The following ANKRD12 variants were observed in gnomAD, a reference collection of about 807,000 sequenced individuals.
ANKRD12 encodes ankyrin repeat domain 12, also known as ankyrin repeat domain-containing protein 12.
Under a neutral mutation model 183.4 loss-of-function variants are expected in ANKRD12, and 85 were observed. That is an observed-to-expected ratio of 0.46 (90% CI 0.39 to 0.56). ANKRD12 has a LOEUF of 0.56. Ranked by LOEUF, ANKRD12 falls within the 20% of genes least tolerant of loss-of-function variation. The probability of loss-of-function intolerance (pLI) is 0.00; values close to 1 mark genes in which losing one functional copy is unlikely to be tolerated. For missense variants in ANKRD12, 2,405 were observed against 2,357.1 expected, an observed-to-expected ratio of 1.02 and a Z score of -0.42; for synonymous variants, 914 against 800.2, an observed-to-expected ratio of 1.14 and a Z score of -2.40.
At position 9,256,071 on chromosome 18, in the gene ANKRD12, A is replaced by G. The variant is rs759362142; in HGVS notation, c.2804A>G (p.Asn935Ser). The G allele has an allele frequency of 3.8e-5, 59 of 1,564,002 alleles. No individual in the cohort carries two copies. The highest frequency in any genetic ancestry group is 4.7e-5 in the Non-Finnish European group (54 of 1,160,994). ...GAAAAGCACTTGATGGAGAAAAAAAATAAACAATCAGATAATAGTGAATAC... is the reference window on the plus strand; with the variant it reads ...GAAAAGCACTTGATGGAGAAAAAAAGTAAACAATCAGATAATAGTGAATAC... ...SKEKHLMEKK[N>S]KQSDNSEYSK... The change falls in exon 9 of 13, where the codon AAT (asparagine) becomes AGT (serine). Residue 935 changes from asparagine to serine, a missense_variant. Asn to Ser is a conservative substitution (Grantham distance 46, BLOSUM62 1). Transcript: ENST00000262126.
chr18:9,161,095 T>G (rs1323722683), intron 1 of ANKRD12, among the ~76,000 whole-genome samples: 1 of 151,432 alleles, frequency 6.6e-6, no homozygotes, highest in East Asian at 1.9e-4. Flanking sequence ...TGCCTTGGCC[T>G]GTGTGTGTGT....
At chr18:9,220,187 TC>T (rs1287212370) in intron 7 of ANKRD12, among the ~76,000 whole-genome samples, 1 of 152,248 alleles carries the variant, frequency 6.6e-6, no homozygotes, top group Non-Finnish European at 1.5e-5. Flanking sequence ...TTTAAATTGT[TC>T]CTTTGATGGT....
chr18:9,212,026 A>ATAGT (rs2035833034), intron 6 of ANKRD12, among the ~76,000 whole-genome samples: 1 of 152,104 alleles, frequency 6.6e-6, no homozygotes, highest in South Asian at 2.1e-4. Context: ...TACTTGCTGT[A>ATAGT]TAGTTCTTTA....
intron 8 of ANKRD12, among the ~76,000 whole-genome samples, chr18:9,223,250 CCT>C (rs1598608150): frequency 6.7e-6 from 1 of 150,146 alleles, no homozygotes; most frequent in Non-Finnish European, 1.5e-5. Context: ...TGAAACCCCA[CCT>C]CTCTCTCTTT....
intron 3 of ANKRD12, among the ~76,000 whole-genome samples, chr18:9,201,454 A>G (rs556808418): frequency 2.0e-5 from 3 of 152,324 alleles, no homozygotes; most frequent in Admixed American, 2.0e-4. Flanking sequence ...GAAAAATGCC[A>G]TTAAGACATC....
chr18:9,137,256 C>T (rs1320504283), intron 1 of ANKRD12, among the ~76,000 whole-genome samples: 1 of 147,608 alleles, frequency 6.8e-6, no homozygotes, highest in Non-Finnish European at 1.5e-5. Flanking sequence ...TCGCGAGGAG[C>T]CGCGGCGCAG....
At position 9,255,041 on chromosome 18, in the gene ANKRD12, C is replaced by A; in HGVS notation, c.1774C>A (p.Pro592Thr). Residue 592 changes from proline (P) to threonine (T), a missense_variant, in exon 9 of 13, where the codon CCA (proline) becomes ACA (threonine). This residue lies in a region of ANKRD12 where 1,983 missense variants were observed against 1,725.9 expected (regional missense o/e 1.15). Transcript: ENST00000262126. ...RYDNTESEFL[P>T]ESSSVKSCKH... ...TGATAATACAGAATCTGAATTCTTGCCAGAAAGTTCAAGTGTAAAATCTTG... is the reference window on the plus strand; with the variant it reads ...TGATAATACAGAATCTGAATTCTTGACAGAAAGTTCAAGTGTAAAATCTTG... 6.3e-7 allele frequency: 1 copy of A among 1,591,648 alleles called. No homozygotes were observed. The highest frequency in any genetic ancestry group is 8.5e-7 in the Non-Finnish European group (1 of 1,171,858).
chr18:9,266,725 C>T (rs2039310932), intron 10 of ANKRD12, among the ~76,000 whole-genome samples: 1 of 152,038 alleles, frequency 6.6e-6, no homozygotes, highest in South Asian at 2.1e-4. Flanking sequence ...GCAAAATAAC[C>T]AGCTAACATC....
intron 8 of ANKRD12, among the ~76,000 whole-genome samples, chr18:9,227,284 TTCTC>T (rs1441039216): frequency 1.3e-5 from 2 of 152,172 alleles, no homozygotes; most frequent in African/African-American, 4.8e-5. Flanking sequence ...CAGTATTTAT[TTCTC>T]TAACTTCTTG....
rs766757671 is a variant in ANKRD12, at chr18:9,257,277, C to T, written c.4010C>T (p.Thr1337Ile). The T allele has an allele frequency of 2.0e-5, 32 of 1,614,022 alleles. No homozygotes were observed. Among genetic ancestry groups the T allele is most frequent in the Non-Finnish European group, 2.5e-5 (30 of 1,179,988 alleles). Residue 1337 changes from threonine (T) to isoleucine (I), a missense_variant, in exon 9 of 13, where the codon ACT becomes ATT. Transcript: ENST00000262126. ...SEESNQGSLL[T>I]VPGDTSPSPK... Reference sequence around the variant, plus strand: ...GAGAGCAATCAAGGTAGCTTATTAACTGTGCCAGGAGATACTAGTCCTTCT... The same window carrying T: ...GAGAGCAATCAAGGTAGCTTATTAATTGTGCCAGGAGATACTAGTCCTTCT...
At chr18:9,277,321 C>CTTTTTTTTTT (rs773999861) in intron 11 of ANKRD12, among the ~76,000 whole-genome samples, 1 of 84,652 alleles carries the variant, frequency 1.2e-5, no homozygotes, top group Non-Finnish European at 2.3e-5. Context: ...CACCCTGTTT[C>CTTTTTTTTTT]TTTTTTTTTT....
In ANKRD12 at chr18:9,199,388, T is replaced by C. The variant is rs75756757; in HGVS notation, c.235+3690T>C. Among the ~76,000 whole-genome samples the C allele has an allele frequency of 5.9e-3, 898 of 152,340 alleles. 6 individuals are homozygous for C. Among genetic ancestry groups the C allele is most frequent in the African/African-American group, 0.02 (822 of 41,578 alleles). Reference sequence around the variant, plus strand: ...TGTGTATTTACATTTACTGTGTGTATATACGTGCACACATGATGTATATTA... The same window carrying C: ...TGTGTATTTACATTTACTGTGTGTACATACGTGCACACATGATGTATATTA... On this transcript the variant is annotated intron_variant, in intron 3 of 12. Transcript: ENST00000262126.
rs560481693 is a variant in ANKRD12, at chr18:9,202,590, T to C, written c.236-1886T>C. On this transcript the variant is annotated intron_variant, in intron 3 of 12. Coordinates refer to ENST00000262126, the MANE Select transcript of ANKRD12 (RefSeq NM_015208.5). ...CTTGCAACCCAAGCAAAGTATTAAC[T>C]TAAAAAGATTGGTTTTAAAATACAA... Among the ~76,000 whole-genome samples, 26 of 152,326 alleles carry C rather than the reference T, an allele frequency of 1.7e-4. No homozygotes were observed. In the South Asian group the frequency reaches 5.4e-3, roughly 32 times the overall value.
chr18:9,205,005 A>G (rs1267590639), intron 4 of ANKRD12, among the ~76,000 whole-genome samples: 1 of 152,162 alleles, frequency 6.6e-6, no homozygotes, highest in Non-Finnish European at 1.5e-5. Context: ...ATTTTTTTCC[A>G]TTGAATTCAT....
intron 8 of ANKRD12, among the ~76,000 whole-genome samples, chr18:9,247,782 T>G (rs1426500557): frequency 6.6e-6 from 1 of 151,312 alleles, no homozygotes; most frequent in Non-Finnish European, 1.5e-5. Context: ...TTTTGGGGTT[T>G]TTTTGTTTTG....
chr18:9,157,604 T>TATATATATATATTTA (rs1491418837), intron 1 of ANKRD12, among the ~76,000 whole-genome samples: 1 of 45,936 alleles, frequency 2.2e-5, no homozygotes, highest in Non-Finnish European at 6.7e-5. Flanking sequence ...TATATATGTA[T>TATATATATATATTTA]TTTTTTTTTT....
At chr18:9,209,892 T>G (rs1387866333) in intron 5 of ANKRD12, among the ~76,000 whole-genome samples, 1 of 152,314 alleles carries the variant, frequency 6.6e-6, no homozygotes, top group Non-Finnish European at 1.5e-5. Context: ...TAAAAGTCTT[T>G]CATCTCCAAT....
chr18:9,138,390 G>A (rs947305645), intron 1 of ANKRD12, among the ~76,000 whole-genome samples: 5 of 152,182 alleles, frequency 3.3e-5, no homozygotes, highest in Non-Finnish European at 7.3e-5. Flanking sequence ...GCGCATGTCT[G>A]TAATCCCAGC....
Position 9,256,371 on chromosome 18 carries a change from A to G in ANKRD12, c.3104A>G (p.Asp1035Gly). Reference sequence around the variant, plus strand: ...TACAAAGAACGAGACAAACATAAAGATAAAATTCAAATAAATAGCTTACTC... The same window carrying G: ...TACAAAGAACGAGACAAACATAAAGGTAAAATTCAAATAAATAGCTTACTC... ...DRYKERDKHK[D>G]KIQINSLLKL... is the part of the protein sequence containing the mutation. The change falls in exon 9 of 13, where the codon GAT becomes GGT. Residue 1035 changes from aspartate to glycine, a missense_variant. By Grantham distance (94) the Asp-to-Gly change is moderately conservative. Around this residue, in one of 7 missense-constraint regions of ANKRD12, gnomAD observed 1,983 missense variants for 1,725.9 expected, o/e 1.15. Coordinates refer to ENST00000262126, the MANE Select transcript of ANKRD12 (RefSeq NM_015208.5). 6.2e-7 allele frequency: 1 copy of G among 1,602,092 alleles called. No individual in the cohort carries two copies. Among genetic ancestry groups the G allele is most frequent in the Non-Finnish European group, 8.5e-7 (1 of 1,175,408 alleles).
Sources: gnomAD v4.1 joint callset for allele counts (sites outside exome capture counted in the v4.1 genomes callset) on GRCh38, gnomAD v4.1.1 for gene constraint, gnomAD v4.1.1 regional missense constraint, MANE v1.5 for transcripts, NCBI Gene and HGNC (gene_info 2026-07-23, HGNC 2026-07-21) for gene names.